The following PCDH15 variants were observed in gnomAD, a reference collection of about 807,000 sequenced individuals.
PCDH15 encodes the protein protocadherin related 15, also known as protocadherin-15.
A neutral mutation model predicts 178.5 loss-of-function variants in PCDH15; 129 were observed. That is an observed-to-expected ratio of 0.72 (90% confidence interval 0.63 to 0.84). The LOEUF (loss-of-function observed/expected upper bound fraction) is 0.84. Among genes scored for constraint, PCDH15 ranks in the 40% least tolerant of loss-of-function variants. The probability of loss-of-function intolerance (pLI) is 0.00; values close to 1 mark genes in which losing one functional copy is unlikely to be tolerated. For missense variants in PCDH15, 2,230 were observed against 2,099.9 expected (o/e 1.06, Z -1.21); for synonymous variants, 800 against 732.0 (o/e 1.09, Z -1.50).
chr10:55,181,229 G>A (rs1839638825), intron 1 of PCDH15, among the ~76,000 whole-genome samples: 2 of 151,976 alleles, frequency 1.3e-5, no homozygotes, highest in African/African-American at 4.8e-5. Flanking sequence ...TTTAGGCTTT[G>A]GGCTTTGGCC....
At chr10:54,126,256 A>G (rs1390576906) in intron 15 of PCDH15, among the ~76,000 whole-genome samples, 1 of 152,034 alleles carries the variant, frequency 6.6e-6, no homozygotes, top group Non-Finnish European at 1.5e-5. Flanking sequence ...TTTTTAGTAG[A>G]GACAGGGATT....
At chr10:55,014,716 TTAGACTACTCTGATCAGATACC>T (rs1428025406) in intron 2 of PCDH15, among the ~76,000 whole-genome samples, 1 of 152,178 alleles carries the variant, frequency 6.6e-6, no homozygotes. Context: ...AAATGTTTCT[TTAGACTACTCTGATCAGATACC>T]TTACCAGAGA....
At chr10:55,332,723 G>T (rs904797533) in intron 2 of PCDH15, among the ~76,000 whole-genome samples, 1 of 152,088 alleles carries the variant, frequency 6.6e-6, no homozygotes, top group Non-Finnish European at 1.5e-5. Context: ...TTGAATAAGT[G>T]TCAAAAGATC....
At chr10:55,584,929 T>C (rs2132124716) in intron 2 of PCDH15, among the ~76,000 whole-genome samples, 1 of 151,458 alleles carries the variant, frequency 6.6e-6, no homozygotes, top group East Asian at 1.9e-4. Context: ...GAGTAATATA[T>C]AGTTTTTTTT....
At chr10:54,450,662 C>G (rs1405225596) in intron 3 of PCDH15, among the ~76,000 whole-genome samples, 1 of 151,502 alleles carries the variant, frequency 6.6e-6, no homozygotes, top group African/African-American at 2.4e-5. Context: ...TAACTTTACT[C>G]AGTTATATAG....
chr10:55,525,224 C>G (rs1276432214), intron 2 of PCDH15, among the ~76,000 whole-genome samples: 1 of 151,602 alleles, frequency 6.6e-6, no homozygotes, highest in African/African-American at 2.4e-5. Flanking sequence ...ATTTTTGTTA[C>G]AAAAATAAAA....
At chr10:53,905,873 AATG>A (rs1409694664) in intron 25 of PCDH15, among the ~76,000 whole-genome samples, 2 of 151,872 alleles carry the variant, frequency 1.3e-5, no homozygotes, top group African/African-American at 2.4e-5. Flanking sequence ...ATTTTAATTA[AATG>A]ATATTTATTT....
At chr10:55,131,399 G>A (rs141775925) in intron 2 of PCDH15, among the ~76,000 whole-genome samples, 97 of 152,264 alleles carry the variant, frequency 6.4e-4, no homozygotes, top group Admixed American at 4.0e-3. Context: ...GGAGCTCCTT[G>A]GTCTGGGTTC....
chr10:54,811,379 C>A (rs1352914951), intron 3 of PCDH15, among the ~76,000 whole-genome samples: 1 of 152,100 alleles, frequency 6.6e-6, no homozygotes, highest in Non-Finnish European at 1.5e-5. Flanking sequence ...GATCTTTGAA[C>A]TGGGCCATTC....
intron 18 of PCDH15, among the ~76,000 whole-genome samples, chr10:54,029,548 A>G (rs2093229056): frequency 6.6e-6 from 1 of 152,162 alleles, no homozygotes; most frequent in African/African-American, 2.4e-5. Context: ...CACTGGACAG[A>G]ACTTTGAATA....
At chr10:55,469,026 G>T (rs188232019) in intron 2 of PCDH15, 1 of 152,024 alleles carries the variant, frequency 6.6e-6, no homozygotes, top group Admixed American at 6.5e-5. Context: ...TTTTTTAAAA[G>T]AAGCATCTGA....
chr10:53,863,223 A>G (rs1207205077), intron 27 of PCDH15, among the ~76,000 whole-genome samples: 1 of 152,212 alleles, frequency 6.6e-6, no homozygotes, highest in Non-Finnish European at 1.5e-5. Flanking sequence ...AGTGAGCTTA[A>G]CAAGTCAGTG....
At chr10:54,174,254 C>T (rs919197754) in intron 13 of PCDH15, among the ~76,000 whole-genome samples, 35 of 151,956 alleles carry the variant, frequency 2.3e-4, no homozygotes, top group African/African-American at 6.8e-4. Flanking sequence ...AAATTAAGGC[C>T]GGGCGTGGTG....
At chr10:54,622,853 T>C (rs2093431541) in intron 2 of PCDH15, among the ~76,000 whole-genome samples, 2 of 142,742 alleles carry the variant, frequency 1.4e-5, no homozygotes, top group African/African-American at 5.2e-5. Flanking sequence ...CTCCTTTCTG[T>C]TTCTATTGCC....
chr10:54,471,769 A>G (rs551674629), intron 3 of PCDH15, among the ~76,000 whole-genome samples: 65 of 152,186 alleles, frequency 4.3e-4, no homozygotes, highest in African/African-American at 1.6e-3. Context: ...ATCAAGTGTA[A>G]CAATATTTCC....
chr10:55,257,866 C>T (rs539959930), intron 1 of PCDH15, among the ~76,000 whole-genome samples: 1 of 152,054 alleles, frequency 6.6e-6, no homozygotes, highest in Non-Finnish European at 1.5e-5. Flanking sequence ...TCAGGAAATA[C>T]AGAGAATGCC....
intron 1 of PCDH15, among the ~76,000 whole-genome samples, chr10:55,168,220 C>T (rs1438281544): frequency 6.6e-6 from 1 of 152,040 alleles, no homozygotes; most frequent in East Asian, 1.9e-4. Context: ...AAATATTTGC[C>T]ACCACCACCC....
At chr10:54,467,810 G>T (rs2077631722) in intron 3 of PCDH15, among the ~76,000 whole-genome samples, 1 of 151,484 alleles carries the variant, frequency 6.6e-6, no homozygotes, top group Admixed American at 6.6e-5. Flanking sequence ...ACTTTTCTTT[G>T]TTGGGAGACT....
chr10:54,154,024 A>G (rs1490619155), intron 13 of PCDH15, among the ~76,000 whole-genome samples: 1 of 152,214 alleles, frequency 6.6e-6, no homozygotes, highest in East Asian at 1.9e-4. Context: ...TAGCCAATTT[A>G]CATATATCTA....
Sources: gnomAD v4.1 joint callset for allele counts (sites outside exome capture counted in the v4.1 genomes callset) on GRCh38, gnomAD v4.1.1 for gene constraint, MANE v1.5 for transcripts, NCBI Gene and HGNC (gene_info 2026-07-23, HGNC 2026-07-21) for gene names.